The following CACNA1B variants were observed in gnomAD, a reference collection of about 807,000 sequenced individuals.
CACNA1B encodes the protein calcium voltage-gated channel subunit alpha1 B.
A neutral mutation model predicts 247.2 loss-of-function variants in CACNA1B; 70 were observed. That is an observed-to-expected ratio of 0.28 (90% CI 0.23 to 0.35). CACNA1B has a LOEUF of 0.35. Ranked by LOEUF, CACNA1B falls within the 10% of genes least tolerant of loss-of-function variation. The pLI is 1.00. For synonymous variants in CACNA1B, 1,231 were observed against 1,294.4 expected (o/e 0.95, Z 1.05); for missense variants, 2,367 against 3,197.4 (o/e 0.74, Z 6.26).
intron 44 of CACNA1B, among the ~76,000 whole-genome samples, chr9:138,119,896 C>G (rs1962019702): frequency 6.6e-6 from 1 of 152,230 alleles, no homozygotes; most frequent in Non-Finnish European, 1.5e-5. Context: ...GCAGAGGCGT[C>G]TCTGGTTTCC....
intron 32 of CACNA1B, among the ~76,000 whole-genome samples, chr9:138,070,285 C>T (rs567251928): frequency 6.6e-6 from 1 of 152,276 alleles, no homozygotes; most frequent in South Asian, 2.1e-4. Flanking sequence ...TGGGCAGGGT[C>T]AGGCCTGGGG....
At chr9:138,038,425 C>A (rs979489934) in intron 20 of CACNA1B, among the ~76,000 whole-genome samples, 1 of 152,176 alleles carries the variant, frequency 6.6e-6, no homozygotes. Flanking sequence ...TGGATTCCAC[C>A]CCCCCACCCC....
intron 6 of CACNA1B, among the ~76,000 whole-genome samples, chr9:137,951,678 CA>C (rs1957879215): frequency 6.6e-6 from 1 of 152,208 alleles, no homozygotes; most frequent in Non-Finnish European, 1.5e-5. Flanking sequence ...CTATAAAAAG[CA>C]AAAGATCTGG....
chr9:137,937,263 A>G (rs990467664), intron 6 of CACNA1B, among the ~76,000 whole-genome samples: 3 of 152,144 alleles, frequency 2.0e-5, no homozygotes, highest in Non-Finnish European at 2.9e-5. Flanking sequence ...TCAGGAAACA[A>G]TGGATGCACT....
rs1167180964 is a variant in CACNA1B, at chr9:138,014,378, C to A, written c.2267+1143C>A. ...TCTAAGCCTAGCAGAAAGTGCTGGT[C>A]TTTGGGGCAGAAGCAGCTAGAAGAG... is the stretch of plus-strand genomic sequence containing the variant. On this transcript the variant is annotated intron_variant, in intron 18 of 46. Coordinates refer to ENST00000371372, the MANE Select transcript of CACNA1B (RefSeq NM_000718.4). The surrounding 1 kb of genome is among the most constrained non-coding windows in gnomAD (Gnocchi z 6.2). Among the ~76,000 whole-genome samples, 1 of 152,152 alleles carries A rather than the reference C, an allele frequency of 6.6e-6. No homozygotes were observed. Among genetic ancestry groups the A allele is most frequent in the Non-Finnish European group, 1.5e-5 (1 of 68,024 alleles).
chr9:138,094,387 C>T (rs899036905), intron 36 of CACNA1B, among the ~76,000 whole-genome samples: 1 of 147,804 alleles, frequency 6.8e-6, no homozygotes, highest in African/African-American at 2.5e-5. Context: ...CCACTGACCT[C>T]TACACTTAAA....
rs774798380 is a variant in CACNA1B, at chr9:138,046,928, C to G, written c.3438C>G (p.Ile1146Met). 1.9e-6 allele frequency: 3 copies of G among 1,613,476 alleles called. No individual in the cohort carries two copies. In the African/African-American group the frequency reaches 4.0e-5, roughly 22 times the overall value. The stretch of plus-strand genomic sequence containing the variant: ...GGCTCCGCCGCTTCTGCCACTACAT[C>G]GTGACCATGAGGTACTTCGAGGTGG... ...TNLLRRFCHY[I>M]VTMRYFEVVI... The change falls in exon 22 of 47, where the codon ATC becomes ATG. Residue 1146 changes from isoleucine (I) to methionine (M), a missense_variant. Physicochemically the swap from Ile to Met is conservative, Grantham distance 10 (BLOSUM62 1). This residue lies in a region of CACNA1B where 631 missense variants were observed against 631.1 expected (regional missense o/e 1.00). Transcript: ENST00000371372.
chr9:137,963,715 G>A (rs999199875), intron 10 of CACNA1B, among the ~76,000 whole-genome samples: 2 of 152,136 alleles, frequency 1.3e-5, no homozygotes, highest in Non-Finnish European at 2.9e-5. Context: ...GTATTGTTAC[G>A]TGTGGATTTG....
rs78765793 is a variant in CACNA1B, at chr9:137,915,016, G to C, written c.775+210G>C. Among the ~76,000 whole-genome samples the C allele has an allele frequency of 4.0e-3, 613 of 152,318 alleles. 4 individuals carry two copies. Among genetic ancestry groups the C allele is most frequent in the African/African-American group, 0.013 (537 of 41,562 alleles). On this transcript the variant is annotated intron_variant, in intron 5 of 46. Transcript: ENST00000371372. ...TAATTATCGATTGTAGTAACTTTTG[G>C]GAAGAAAACAAAAAGGTATTTGAAA...
rs139312772 is a variant in CACNA1B at position 137,958,566 on chromosome 9, C to G, written c.1333+879C>G. 3.0e-4 allele frequency among the ~76,000 whole-genome samples: 45 copies of G among 152,282 alleles called. No individual in the cohort carries two copies. In the East Asian group the frequency reaches 8.5e-3, roughly 29 times the overall value. On this transcript the variant is annotated intron_variant, in intron 10 of 46. Transcript: ENST00000371372. ...GTTGTTCAGTTGCTCGTCTGCTGAT[C>G]GTCTGCTGATGGCCATTTATTTCTA...
chr9:138,074,799 C>T (rs548744418), intron 34 of CACNA1B, among the ~76,000 whole-genome samples: 8 of 152,300 alleles, frequency 5.3e-5, no homozygotes, highest in Non-Finnish European at 1.2e-4. Context: ...CTGTGTTTGC[C>T]GAGTGGCTTG....
intron 6 of CACNA1B, among the ~76,000 whole-genome samples, chr9:137,929,218 A>G (rs1401219511): frequency 6.6e-6 from 1 of 152,202 alleles, no homozygotes; most frequent in African/African-American, 2.4e-5. Context: ...CAAGGGCTCC[A>G]GTTTCTCTGC....
At position 138,011,065 on chromosome 9, in the gene CACNA1B, C is replaced by T. The variant is rs1958718132; in HGVS notation, c.2160+988C>T. ...CTCAGCCTTCTTACTCCCACGCCTCCAGACCTGGGCCATGGCCATGCCTAT... is the reference window on the plus strand; with the variant it reads ...CTCAGCCTTCTTACTCCCACGCCTCTAGACCTGGGCCATGGCCATGCCTAT... On this transcript the variant is annotated intron_variant, in intron 17 of 46. Coordinates refer to ENST00000371372, the MANE Select transcript of CACNA1B (RefSeq NM_000718.4). The surrounding 1 kb of genome is among the most constrained non-coding windows in gnomAD (Gnocchi z 4.2). 6.6e-6 allele frequency among the ~76,000 whole-genome samples: 1 copy of T among 152,226 alleles called. No homozygotes were observed. Among genetic ancestry groups the T allele is most frequent in the Admixed American group, 6.5e-5 (1 of 15,288 alleles).
chr9:137,966,984 A>G (rs1394684186), intron 10 of CACNA1B, among the ~76,000 whole-genome samples: 1 of 151,478 alleles, frequency 6.6e-6, no homozygotes, highest in Admixed American at 6.6e-5. Flanking sequence ...TTTTTAAAAA[A>G]AAAACCCAGT....
chr9:137,892,400 C>A (rs532381827), intron 3 of CACNA1B: 2 of 454,672 alleles, frequency 4.4e-6, no homozygotes, highest in Admixed American at 2.4e-5. Flanking sequence ...GCCAGGCCTG[C>A]GGGGTCCACT....
intron 39 of CACNA1B, among the ~76,000 whole-genome samples, chr9:138,110,506 T>A (rs960368255): frequency 2.0e-5 from 3 of 152,086 alleles, no homozygotes; most frequent in African/African-American, 7.2e-5. Flanking sequence ...GTGGGAAGAT[T>A]GCTGGAATCC....
chr9:138,071,981 A>G (rs1385906390), intron 32 of CACNA1B, among the ~76,000 whole-genome samples: 1 of 151,888 alleles, frequency 6.6e-6, no homozygotes, highest in Non-Finnish European at 1.5e-5. Context: ...TGTTTCTAAG[A>G]TGGCTGGCTT....
In CACNA1B at chr9:138,105,792, A is replaced by G; in HGVS notation, c.5413A>G (p.Ile1805Val). ...GGCCCTCATCCGGACGGCACTGGAG[A>G]TCAAGCTGGCCCCAGGTGAGCAAGG... ...LMALIRTALE[I>V]KLAPAGTKQH... Residue 1805 changes from isoleucine (I) to valine (V), a missense_variant, in exon 39 of 47, where the codon ATC (isoleucine) becomes GTC (valine). This residue lies in a region of CACNA1B where 773 missense variants were observed against 779.4 expected (regional missense o/e 0.99). Coordinates refer to ENST00000371372, the MANE Select transcript of CACNA1B (RefSeq NM_000718.4). 1 of 1,553,372 alleles carries G rather than the reference A, an allele frequency of 6.4e-7. No homozygotes were observed. Among genetic ancestry groups the G allele is most frequent in the Non-Finnish European group, 8.7e-7 (1 of 1,147,982 alleles).
chr9:138,046,965 G>A lies in CACNA1B; in HGVS notation c.3475G>A (p.Val1159Ile), dbSNP rs1959190885. 2 of 1,613,644 alleles carry A rather than the reference G, an allele frequency of 1.2e-6. No individual in the cohort carries two copies. Among genetic ancestry groups the A allele is most frequent in the African/African-American group, 2.7e-5 (2 of 74,942 alleles). ...MRYFEVVILV[V>I]IALSSIALAA... ...GTACTTCGAGGTGGTCATTCTCGTG[G>A]TCATCGCCTTGAGCAGCATCGCCCT... Residue 1159 changes from valine to isoleucine, a missense_variant, in exon 22 of 47, where the codon GTC becomes ATC. By Grantham distance (29) the Val-to-Ile change is conservative. Around this residue, in one of 12 missense-constraint regions of CACNA1B, gnomAD observed 631 missense variants for 631.1 expected, o/e 1.00. Transcript: ENST00000371372.
Sources: allele counts gnomAD v4.1 joint callset (sites outside exome capture counted in the v4.1 genomes callset), GRCh38; gene constraint gnomAD v4.1.1; regional missense constraint gnomAD v4.1.1; non-coding constraint Gnocchi (gnomAD v3.1); transcripts MANE v1.5; gene names NCBI Gene and HGNC (gene_info 2026-07-23, HGNC 2026-07-21).